CALN1: variants seen among roughly 807,000 people sequenced by gnomAD.
The protein encoded by CALN1 is calcium-binding protein 8.
In CALN1, 17 loss-of-function variants were observed where a neutral mutation model predicts 30.6. The observed-to-expected ratio is 0.56, with a 90% confidence interval of 0.38 to 0.83. The LOEUF (loss-of-function observed/expected upper bound fraction) is 0.83. CALN1 is among the 40% of genes least tolerant of loss of function. The probability of loss-of-function intolerance (pLI) is 0.00; values close to 1 mark genes in which losing one functional copy is unlikely to be tolerated. For synonymous variants in CALN1, 156 were observed against 131.4 expected (o/e 1.19, Z -1.28); for missense variants, 291 against 354.9 (o/e 0.82, Z 1.45).
chr7:71,983,927 A>T (rs1475871273), intron 5 of CALN1, among the ~76,000 whole-genome samples: 1 of 152,236 alleles, frequency 6.6e-6, no homozygotes, highest in Non-Finnish European at 1.5e-5. Flanking sequence ...ATCAAACTAT[A>T]TTAAAGAGAC....
chr7:71,907,297 G>A (rs530429595), intron 5 of CALN1, among the ~76,000 whole-genome samples: 60 of 151,244 alleles, frequency 4.0e-4, no homozygotes, highest in Admixed American at 8.6e-4. Context: ...GTGTTCCATC[G>A]CAAGCGTCTC....
Position 71,789,339 on chromosome 7 carries a change from C to T in CALN1, c.659-1437G>A, listed in dbSNP as rs140666226. On this transcript the variant is annotated intron_variant, in intron 6 of 6. Transcript: ENST00000395275. ...GGCTGAGGTAGGAGAATCGCTTGAACCCGGGAGGCAGAGGTTGCAGTGAGC... is the reference window on the plus strand; with the variant it reads ...GGCTGAGGTAGGAGAATCGCTTGAATCCGGGAGGCAGAGGTTGCAGTGAGC... Among the ~76,000 whole-genome samples, 7 of 152,204 alleles carry T rather than the reference C, an allele frequency of 4.6e-5. No individual in the cohort carries two copies. The East Asian group carries it at 1.4e-3, about 30-fold the overall frequency.
chr7:72,358,097 TCCTC>T (rs1803348564), intron 2 of CALN1, among the ~76,000 whole-genome samples: 1 of 151,780 alleles, frequency 6.6e-6, no homozygotes, highest in Admixed American at 6.6e-5. Context: ...GCTCAAGTGA[TCCTC>T]CCACCTCAGC....
At chr7:71,871,342 G>A (rs34861101) in intron 5 of CALN1, among the ~76,000 whole-genome samples, 37,468 of 151,904 alleles carry the variant, frequency 0.25, 4,960 homozygotes, top group African/African-American at 0.32. Context: ...TCATTTCCCC[G>A]GTATCTGTAG....
chr7:71,953,748 CAG>C (rs895620272), intron 5 of CALN1, among the ~76,000 whole-genome samples: 3 of 151,910 alleles, frequency 2.0e-5, no homozygotes, highest in African/African-American at 7.3e-5. Flanking sequence ...CAGGACTTTG[CAG>C]AGACTGACAA....
chr7:72,110,319 T>A (rs2129541524), intron 3 of CALN1, among the ~76,000 whole-genome samples: 1 of 152,270 alleles, frequency 6.6e-6, no homozygotes, highest in South Asian at 2.1e-4. Context: ...TTGCCCCACC[T>A]TTGGGGCTAC....
chr7:72,309,670 T>G (rs1799906653), intron 2 of CALN1, among the ~76,000 whole-genome samples: 1 of 152,008 alleles, frequency 6.6e-6, no homozygotes, highest in Non-Finnish European at 1.5e-5. Context: ...CAAGCACAAG[T>G]GCAAGGTCCC....
rs539201309 is a variant in CALN1, at chr7:72,194,146, T to C, written c.244+84540A>G. Among the ~76,000 whole-genome samples, 3 of 152,338 alleles carry C rather than the reference T, an allele frequency of 2.0e-5. No individual in the cohort carries two copies. In the South Asian group the frequency reaches 6.2e-4, roughly 32 times the overall value. On this transcript the variant is annotated intron_variant, in intron 3 of 6. Transcript: ENST00000395275. Reference sequence around the variant, plus strand: ...GTATTATAATCTTGCAGAATCACCATTGTTTATGCAGTCCATCCCTAACTA... The same window carrying C: ...GTATTATAATCTTGCAGAATCACCACTGTTTATGCAGTCCATCCCTAACTA...
At chr7:72,333,086 A>AT (rs1421468705) in intron 2 of CALN1, among the ~76,000 whole-genome samples, 3 of 152,080 alleles carry the variant, frequency 2.0e-5, no homozygotes, top group African/African-American at 2.4e-5. Context: ...CTGCTTCCTC[A>AT]TATTCTCCAC....
chr7:72,346,182 G>C (rs955446136), intron 2 of CALN1, among the ~76,000 whole-genome samples: 1 of 151,956 alleles, frequency 6.6e-6, no homozygotes, highest in African/African-American at 2.4e-5. Flanking sequence ...AGGTCAAATG[G>C]TAATTTGTTA....
At position 72,085,476 on chromosome 7, in the gene CALN1, T is replaced by A. The variant is rs531000020; in HGVS notation, c.388+20675A>T. ...ACTGCACCTGATCTATAAATTTAAC[T>A]TTATTATAACTATTTATGTATAGGA... is the stretch of plus-strand genomic sequence containing the variant. On this transcript the variant is annotated intron_variant, in intron 4 of 6. Transcript: ENST00000395275. 2.9e-3 allele frequency among the ~76,000 whole-genome samples: 408 copies of A among 143,066 alleles called. 1 individual carries two copies. The highest frequency in any genetic ancestry group is 5.2e-3 in the Non-Finnish European group (347 of 66,236). The allele number at this position is 143,066 out of a possible 152,430, so 93.9% of individuals were successfully genotyped here. A position where few individuals can be genotyped will look rare whatever the true frequency, so the allele number is the denominator to read the frequency against.
chr7:72,233,496 A>G (rs11766229), intron 3 of CALN1, among the ~76,000 whole-genome samples: 14,830 of 152,070 alleles, frequency 0.098, 1,241 homozygotes, highest in East Asian at 0.42. Context: ...CAGGAGGATC[A>G]CTTGAGACCA....
chr7:72,269,521 T>C (rs1279077160), intron 3 of CALN1, among the ~76,000 whole-genome samples: 1 of 152,124 alleles, frequency 6.6e-6, no homozygotes, highest in African/African-American at 2.4e-5. Flanking sequence ...AGAAAACAAA[T>C]ACTATAACTG....
intron 3 of CALN1, among the ~76,000 whole-genome samples, chr7:72,192,661 ATTATTATTATTATACTTT>A (rs1001372855): frequency 2.5e-4 from 18 of 72,772 alleles, no homozygotes; most frequent in Non-Finnish European, 3.0e-4. Context: ...TATTATTATT[ATTATTATTATTATACTTT>A]AAGTTTTAGG....
chr7:71,811,096 C>A (rs980991893), intron 5 of CALN1, among the ~76,000 whole-genome samples: 1 of 151,166 alleles, frequency 6.6e-6, no homozygotes, highest in Non-Finnish European at 1.5e-5. Context: ...GGGGTTTCAC[C>A]GTGTTGGCCA....
chr7:72,218,145 A>AT (rs1235205944), intron 3 of CALN1, among the ~76,000 whole-genome samples: 5 of 151,478 alleles, frequency 3.3e-5, no homozygotes, highest in Non-Finnish European at 5.9e-5. Flanking sequence ...CTCCGCCAAA[A>AT]TTTTTTTTAA....
At chr7:72,069,133 C>CA (rs1325737086) in intron 4 of CALN1, among the ~76,000 whole-genome samples, 1 of 152,186 alleles carries the variant, frequency 6.6e-6, no homozygotes, top group Non-Finnish European at 1.5e-5. Context: ...AGTGACACTG[C>CA]AAAGTGGCTG....
intron 5 of CALN1, among the ~76,000 whole-genome samples, chr7:71,835,250 G>A (rs1329133290): frequency 1.3e-5 from 2 of 152,172 alleles, no homozygotes; most frequent in African/African-American, 2.4e-5. Context: ...TAATCCTCCA[G>A]TAACCAGATC....
intron 5 of CALN1, among the ~76,000 whole-genome samples, chr7:71,998,717 C>T (rs974929074): frequency 3.4e-4 from 52 of 151,944 alleles, no homozygotes; most frequent in African/African-American, 1.3e-3. Context: ...CCAACATGCC[C>T]AGCTAATTTT....
Sources: allele counts gnomAD v4.1 joint callset (sites outside exome capture counted in the v4.1 genomes callset), GRCh38; gene constraint gnomAD v4.1.1; transcripts MANE v1.5; gene names NCBI Gene and HGNC (gene_info 2026-07-23, HGNC 2026-07-21).